The following HDAC4 variants were observed in gnomAD, a reference collection of about 807,000 sequenced individuals.
HDAC4 encodes the protein histone deacetylase 4.
HDAC4 carries 16 observed loss-of-function variants against 135.1 expected under a neutral mutation model. The ratio of observed to expected loss-of-function variants is 0.12; its 90% CI spans 0.08 to 0.18. The LOEUF (loss-of-function observed/expected upper bound fraction) is 0.18. HDAC4 is among the 10% of genes least tolerant of loss of function. The pLI, the probability that HDAC4 is intolerant of heterozygous loss-of-function variation, is 1.00. For synonymous variants in HDAC4, 685 were observed against 653.4 expected, an observed-to-expected ratio of 1.05 and a Z score of -0.74; for missense variants, 1,143 against 1,511.8, an observed-to-expected ratio of 0.76 and a Z score of 4.05.
In HDAC4 at chr2:239,240,565, T is replaced by C. The variant is rs1051502687; in HGVS notation, c.23-3901A>G. The stretch of plus-strand genomic sequence containing the variant: ...TCATCACACGCCTGCTGCAAGCAGG[T>C]TCCCCCTTATCTGTCTCCGCTTGAG... On this transcript the variant is annotated intron_variant, in intron 2 of 26. Coordinates refer to ENST00000543185, the MANE Select transcript of HDAC4 (RefSeq NM_001378414.1). The surrounding 1 kb of genome is among the most constrained non-coding windows in gnomAD (Gnocchi z 4.5). Among the ~76,000 whole-genome samples the C allele has an allele frequency of 3.3e-5, 5 of 152,116 alleles. No homozygotes were observed. The highest frequency in any genetic ancestry group is 1.2e-4 in the African/African-American group (5 of 41,418).
In HDAC4 at chr2:239,303,083, ACAGAAGC is replaced by A. The variant is rs1322718098; in HGVS notation, c.22+49588_22+49594del. 1.3e-5 allele frequency among the ~76,000 whole-genome samples: 2 copies of A among 152,118 alleles called. No homozygotes were observed. Among genetic ancestry groups the A allele is most frequent in the African/African-American group, 2.4e-5 (1 of 41,430 alleles). On this transcript the variant is annotated intron_variant, in intron 2 of 26. Coordinates refer to ENST00000543185, the MANE Select transcript of HDAC4 (RefSeq NM_001378414.1). This position sits in a 1 kb window ranked among gnomAD's most constrained non-coding sequence, Gnocchi z 5.1. ...AGAGGTCATCACCTCCGCGTACTGA[ACAGAAGC>A]CCAGCTCAGGGTTCAGGGTGGGCCC...
At chr2:239,217,385 CTT>C (rs1209276312) in intron 3 of HDAC4, among the ~76,000 whole-genome samples, 2 of 152,154 alleles carry the variant, frequency 1.3e-5, no homozygotes, top group Non-Finnish European at 2.9e-5. Flanking sequence ...GGGGAAGAAA[CTT>C]AATGTATCTG....
At chr2:239,373,870 T>C (rs2176045) in intron 1 of HDAC4, among the ~76,000 whole-genome samples, 92,745 of 152,066 alleles carry the variant, frequency 0.61, 28,956 homozygotes, top group East Asian at 0.9. Flanking sequence ...GGACGGGTCC[T>C]TGATGCCCCA....
intron 1 of HDAC4, among the ~76,000 whole-genome samples, chr2:239,380,393 CAT>C (rs1695335349): frequency 6.6e-6 from 1 of 152,096 alleles, no homozygotes; most frequent in Admixed American, 6.5e-5. Flanking sequence ...ATAATATAGA[CAT>C]ATTTTATCTA....
intron 2 of HDAC4, among the ~76,000 whole-genome samples, chr2:239,282,521 C>T (rs2050847302): frequency 6.7e-6 from 1 of 148,860 alleles, no homozygotes; most frequent in Admixed American, 6.7e-5. Flanking sequence ...GTACACACCA[C>T]TCTCAATGTA....
At chr2:239,288,214 TAACAGAAAATTAG>T in intron 2 of HDAC4, among the ~76,000 whole-genome samples, 1 of 152,150 alleles carries the variant, frequency 6.6e-6, no homozygotes, top group East Asian at 1.9e-4. Context: ...AAGGGAAGTT[TAACAGAAAATTAG>T]AACAGAAAAC....
At position 239,167,052 on chromosome 2, in the gene HDAC4, G is replaced by T. The variant is rs2043159719; in HGVS notation, c.491-3129C>A. On this transcript the variant is annotated intron_variant, in intron 5 of 26. Coordinates refer to ENST00000543185, the MANE Select transcript of HDAC4 (RefSeq NM_001378414.1). This position sits in a 1 kb window ranked among gnomAD's most constrained non-coding sequence, Gnocchi z 4.1. ...GACCCAGATGGCCAGTTGTTGGAGG[G>T]GACTGCCCTGCAGGTCCCCCTACAT... is the stretch of plus-strand genomic sequence containing the variant. Among the ~76,000 whole-genome samples, 1 of 151,806 alleles carries T rather than the reference G, an allele frequency of 6.6e-6. No individual in the cohort carries two copies. The highest frequency in any genetic ancestry group is 1.5e-5 in the Non-Finnish European group (1 of 67,974).
intron 19 of HDAC4, among the ~76,000 whole-genome samples, chr2:239,084,939 C>T (rs1443748768): frequency 6.8e-6 from 1 of 146,616 alleles, no homozygotes; most frequent in East Asian, 2.0e-4. Flanking sequence ...TACAGAAACA[C>T]TCACACACAC....
chr2:239,229,756 TTAAGA>T (rs945863306), intron 3 of HDAC4, among the ~76,000 whole-genome samples: 1 of 152,092 alleles, frequency 6.6e-6, no homozygotes, highest in African/African-American at 2.4e-5. Flanking sequence ...AATGTTTGAG[TTAAGA>T]TAAGCGGAGA....
chr2:239,391,102 C>T (rs570192546), intron 1 of HDAC4, among the ~76,000 whole-genome samples: 1 of 152,256 alleles, frequency 6.6e-6, no homozygotes, highest in South Asian at 2.1e-4. Context: ...CACACTGTGG[C>T]CAAGGCGCAA....
chr2:239,241,475 G>A (rs1404277849), intron 2 of HDAC4, among the ~76,000 whole-genome samples: 3 of 152,156 alleles, frequency 2.0e-5, no homozygotes, highest in Admixed American at 1.3e-4. Context: ...TTTGCCCCCA[G>A]TTGGGTTGTC....
At chr2:239,216,983 G>T (rs961225600) in intron 3 of HDAC4, among the ~76,000 whole-genome samples, 1 of 152,174 alleles carries the variant, frequency 6.6e-6, no homozygotes, top group African/African-American at 2.4e-5. Flanking sequence ...CTGCATTCAC[G>T]CCACTTTCCC....
At chr2:239,084,386 C>T (rs1255129685) in intron 19 of HDAC4, 144 bp from the exon 20 acceptor site, 9 of 685,834 alleles carry the variant, frequency 1.3e-5, no homozygotes, top group Non-Finnish European at 2.1e-5. Context: ...CGCAGGGAAC[C>T]CTCAGTGATG....
intron 1 of HDAC4, among the ~76,000 whole-genome samples, chr2:239,379,185 C>A (rs899811336): frequency 6.6e-6 from 1 of 152,118 alleles, no homozygotes; most frequent in African/African-American, 2.4e-5. Flanking sequence ...AGCTGTTCCT[C>A]GGAGGACAGA....
intron 12 of HDAC4, among the ~76,000 whole-genome samples, chr2:239,118,049 G>T (rs1296013490): frequency 6.6e-6 from 1 of 152,196 alleles, no homozygotes; most frequent in African/African-American, 2.4e-5. Context: ...GCTCCCAGGG[G>T]TCAGCCGTAT....
intron 2 of HDAC4, among the ~76,000 whole-genome samples, chr2:239,272,728 A>C (rs959708538): frequency 2.2e-4 from 33 of 152,116 alleles, no homozygotes; most frequent in Non-Finnish European, 4.4e-4. Flanking sequence ...CCCCCAATGC[A>C]CCCCTGCGCT....
chr2:239,193,861 T>C (rs1047763783), intron 3 of HDAC4, among the ~76,000 whole-genome samples: 1 of 152,252 alleles, frequency 6.6e-6, no homozygotes, highest in Non-Finnish European at 1.5e-5. Flanking sequence ...GAAACCCAAG[T>C]TCATGTTTGC....
At chr2:239,361,901 C>T (rs1026911398) in intron 1 of HDAC4, among the ~76,000 whole-genome samples, 7 of 152,192 alleles carry the variant, frequency 4.6e-5, no homozygotes, top group African/African-American at 1.2e-4. Flanking sequence ...TAGAGAACTA[C>T]GATGATCACT....
In HDAC4 at chr2:239,126,460, T is replaced by C. The variant is rs1469656448; in HGVS notation, c.1529A>G (p.Asn510Ser). 1 of 1,613,866 alleles carries C rather than the reference T, an allele frequency of 6.2e-7. No homozygotes were observed. The highest frequency in any genetic ancestry group is 8.5e-7 in the Non-Finnish European group (1 of 1,180,002). ...QQFQQQQLQM[N>S]KIIPKPSEPA... ...GCGCTGAGCCGGCAAACCCACCTTG[T>C]TCATCTGCAGTTGCTGCTGCTGGAA... The change falls in exon 12 of 27, where the codon AAC becomes AGC. Residue 510 changes from asparagine to serine, a missense_variant. Asn to Ser is a conservative substitution (Grantham distance 46, BLOSUM62 1). This residue lies in a region of HDAC4 where 196 missense variants were observed against 210.7 expected (regional missense o/e 0.93). Coordinates refer to ENST00000543185, the MANE Select transcript of HDAC4 (RefSeq NM_001378414.1).
Sources: gnomAD v4.1 joint callset for allele counts (sites outside exome capture counted in the v4.1 genomes callset) on GRCh38, gnomAD v4.1.1 for gene constraint, gnomAD v4.1.1 regional missense constraint, Gnocchi (gnomAD v3.1) non-coding constraint, MANE v1.5 for transcripts, NCBI Gene and HGNC (gene_info 2026-07-23, HGNC 2026-07-21) for gene names.